The following FOXP1 variants were observed in gnomAD, a reference collection of about 807,000 sequenced individuals.
FOXP1 encodes forkhead box P1.
Under a neutral mutation model 98.2 loss-of-function variants are expected in FOXP1, and 15 were observed. The observed-to-expected ratio is 0.15, with a 90% CI of 0.10 to 0.24. The LOEUF (loss-of-function observed/expected upper bound fraction) is 0.24. Among genes scored for constraint, FOXP1 ranks in the 10% least tolerant of loss-of-function variants. FOXP1 has a pLI of 1.00. For missense variants in FOXP1, 633 were observed against 848.5 expected (o/e 0.75, Z 3.15); for synonymous variants, 371 against 314.5 (o/e 1.18, Z -1.90).
intron 6 of FOXP1, among the ~76,000 whole-genome samples, chr3:71,179,483 A>G (rs1445363492): frequency 1.3e-5 from 2 of 152,194 alleles, no homozygotes; most frequent in Non-Finnish European, 2.9e-5. Flanking sequence ...AGAGGGGAGG[A>G]GTTAGAAAAA....
At chr3:71,558,896 G>A (rs571136538) in intron 2 of FOXP1, among the ~76,000 whole-genome samples, 73 of 146,400 alleles carry the variant, frequency 5.0e-4, no homozygotes, top group African/African-American at 1.7e-3. Flanking sequence ...TCTGCCTCCC[G>A]GGTTCAAGCA....
intron 6 of FOXP1, among the ~76,000 whole-genome samples, chr3:71,181,752 G>A (rs780391138): frequency 4.6e-5 from 7 of 152,180 alleles, no homozygotes; most frequent in Non-Finnish European, 1.0e-4. Context: ...AACAAATGTG[G>A]CCGGGCGCGG....
At chr3:71,265,104 G>C (rs2069509907) in intron 5 of FOXP1, among the ~76,000 whole-genome samples, 1 of 152,122 alleles carries the variant, frequency 6.6e-6, no homozygotes, top group African/African-American at 2.4e-5. Flanking sequence ...CTAATTCCAG[G>C]AATCTATAGG....
chr3:71,423,518 G>A (rs2083831861), intron 3 of FOXP1, among the ~76,000 whole-genome samples: 1 of 152,246 alleles, frequency 6.6e-6, no homozygotes, highest in Admixed American at 6.5e-5. Context: ...TCCGGGATTA[G>A]ACCAGCTTCT....
chr3:71,486,548 G>A (rs1299464607), intron 3 of FOXP1, among the ~76,000 whole-genome samples: 2 of 152,098 alleles, frequency 1.3e-5, no homozygotes, highest in Non-Finnish European at 2.9e-5. Flanking sequence ...CAATTCACGT[G>A]TTCACCACAG....
At position 71,076,725 on chromosome 3, in the gene FOXP1, C is replaced by T. The variant is rs966767070; in HGVS notation, c.283-22952G>A. On this transcript the variant is annotated intron_variant, in intron 7 of 20. Transcript: ENST00000649528. ...TTACTTATCTCTTCCTCTTCTCCTT[C>T]TTCCTGTTTTGAGCATGGTCTCTGT... 2.6e-5 allele frequency among the ~76,000 whole-genome samples: 4 copies of T among 152,314 alleles called. No individual in the cohort carries two copies. In the South Asian group the frequency reaches 8.3e-4, roughly 32 times the overall value.
At chr3:71,099,379 G>A (rs2056761568) in intron 7 of FOXP1, among the ~76,000 whole-genome samples, 1 of 152,132 alleles carries the variant, frequency 6.6e-6, no homozygotes, top group South Asian at 2.1e-4. Flanking sequence ...GGGCGTGGTG[G>A]TGCGCCCCTG....
At chr3:70,980,496 A>G (rs904371951) in intron 14 of FOXP1, among the ~76,000 whole-genome samples, 4 of 152,186 alleles carry the variant, frequency 2.6e-5, no homozygotes, top group Non-Finnish European at 4.4e-5. Flanking sequence ...CTTTACAGAT[A>G]AGCAAACTGA....
intron 4 of FOXP1, among the ~76,000 whole-genome samples, chr3:71,308,749 ATGTGTGTGTGTGTGTGTGTGTGTG>A (rs71104439): frequency 2.3e-4 from 31 of 132,286 alleles, no homozygotes; most frequent in South Asian, 8.2e-4. Flanking sequence ...TTCTACCACA[ATGTGTGTGTGTGTGTGTGTGTGTG>A]TGTGTGTGTG....
chr3:71,441,079 T>C (rs1456980390), intron 3 of FOXP1, among the ~76,000 whole-genome samples: 1 of 152,180 alleles, frequency 6.6e-6, no homozygotes, highest in African/African-American at 2.4e-5. Context: ...AACAGGATAA[T>C]ATAAAACTTT....
intron 13 of FOXP1, among the ~76,000 whole-genome samples, chr3:70,999,482 GTTAAT>G (rs1377478636): frequency 2.0e-5 from 3 of 152,146 alleles, no homozygotes; most frequent in Admixed American, 6.5e-5. Flanking sequence ...CAATAAACAT[GTTAAT>G]TTAAAGATGT....
At chr3:71,084,953 GAATA>G (rs1446700345) in intron 7 of FOXP1, among the ~76,000 whole-genome samples, 4 of 152,114 alleles carry the variant, frequency 2.6e-5, no homozygotes, top group African/African-American at 9.7e-5. Flanking sequence ...ATAGTTGCTT[GAATA>G]AATAAACAAA....
At chr3:71,216,677 G>A (rs928693847) in intron 5 of FOXP1, among the ~76,000 whole-genome samples, 1 of 151,986 alleles carries the variant, frequency 6.6e-6, no homozygotes, top group Non-Finnish European at 1.5e-5. Context: ...GGAATGAGAC[G>A]TACCTTGAGT....
chr3:71,129,260 T>C (rs1035455397), intron 6 of FOXP1, among the ~76,000 whole-genome samples: 1 of 152,206 alleles, frequency 6.6e-6, no homozygotes, highest in African/African-American at 2.4e-5. Flanking sequence ...AAATTGTCCT[T>C]AAGGCAGTCG....
intron 11 of FOXP1, among the ~76,000 whole-genome samples, chr3:71,028,613 G>A (rs2046444479): frequency 6.6e-6 from 1 of 152,232 alleles, no homozygotes; most frequent in African/African-American, 2.4e-5. Flanking sequence ...CCAGGGACTG[G>A]TTTCATGGAA....
chr3:71,379,640 T>C (rs931843192), intron 3 of FOXP1, among the ~76,000 whole-genome samples: 3 of 152,118 alleles, frequency 2.0e-5, no homozygotes, highest in African/African-American at 7.2e-5. Context: ...AGGCAATATT[T>C]CATGAAATAA....
rs113809696 is a variant in FOXP1 at position 71,301,172 on chromosome 3, C to G, written c.-72-1292G>C. 9.3e-3 allele frequency among the ~76,000 whole-genome samples: 1,415 copies of G among 152,286 alleles called. 16 individuals carry two copies. The highest frequency in any genetic ancestry group is 0.013 in the Non-Finnish European group (900 of 68,020). On this transcript the variant is annotated intron_variant, in intron 4 of 20. Coordinates refer to ENST00000649528, the MANE Select transcript of FOXP1 (RefSeq NM_001349338.3). ...ATTTGGGTGGGGGAAAACCCTAGCT[C>G]TGGGACTTAAAATTACTATTTTGCA...
intron 7 of FOXP1, among the ~76,000 whole-genome samples, chr3:71,073,442 A>G (rs533649109): frequency 1.1e-4 from 17 of 152,330 alleles, no homozygotes; most frequent in African/African-American, 3.6e-4. Context: ...AGCCCTGTCA[A>G]CATTCTTACG....
intron 3 of FOXP1, among the ~76,000 whole-genome samples, chr3:71,483,127 C>T (rs1451778150): frequency 1.3e-5 from 2 of 152,142 alleles, no homozygotes; most frequent in Admixed American, 6.5e-5. Context: ...GTGTGAGCCA[C>T]CACGCCCAGC....
Sources: allele counts gnomAD v4.1 joint callset (sites outside exome capture counted in the v4.1 genomes callset), GRCh38; gene constraint gnomAD v4.1.1; transcripts MANE v1.5; gene names NCBI Gene and HGNC (gene_info 2026-07-23, HGNC 2026-07-21).